LACTB2: variants seen among roughly 807,000 people sequenced by gnomAD.
LACTB2 encodes lactamase beta 2, also known as endoribonuclease LACTB2.
A neutral mutation model predicts 34.8 loss-of-function variants in LACTB2; 32 were observed. That is an observed-to-expected ratio of 0.92 (90% CI 0.69 to 1.24). The LOEUF (loss-of-function observed/expected upper bound fraction) is 1.24. Ranked by LOEUF, LACTB2 falls within the 50% of genes most tolerant of loss-of-function variation. The pLI is 0.00. For synonymous variants in LACTB2, 120 were observed against 117.5 expected (o/e 1.02, Z -0.14); for missense variants, 320 against 345.0 (o/e 0.93, Z 0.57).
At chr8:70,644,506 C>T (rs1818238013) in intron 3 of LACTB2, among the ~76,000 whole-genome samples, 2 of 152,194 alleles carry the variant, frequency 1.3e-5, no homozygotes, top group African/African-American at 4.8e-5. Flanking sequence ...GGGTCTCACT[C>T]TGTTGCCCAG....
chr8:70,654,628 C>G (rs1563406191), intron 3 of LACTB2: 2 of 151,708 alleles, frequency 1.3e-5, no homozygotes, highest in Non-Finnish European at 2.9e-5. Flanking sequence ...TGGCTATTTA[C>G]AGGCTCCATC....
At chr8:70,638,661 T>C in intron 5 of LACTB2, 32 bp from the exon 6 acceptor site, 1 of 1,200,158 alleles carries the variant, frequency 8.3e-7, no homozygotes, top group Non-Finnish European at 1.1e-6. Flanking sequence ...AAAAAATTCC[T>C]TTTTTTTTAA....
intron 3 of LACTB2, among the ~76,000 whole-genome samples, chr8:70,645,336 A>T (rs1446172175): frequency 6.6e-6 from 1 of 152,142 alleles, no homozygotes; most frequent in Non-Finnish European, 1.5e-5. Flanking sequence ...CTAGGCTGGC[A>T]TCAGTATATA....
chr8:70,661,635 T>G (rs959284601), intron 2 of LACTB2, 99 bp downstream of exon 2: 2 of 992,378 alleles, frequency 2.0e-6, no homozygotes, highest in Non-Finnish European at 2.9e-6. Context: ...ACTGAGGTAT[T>G]TAGTAAATGG....
chr8:70,637,990 A>G (rs1818145172), intron 6 of LACTB2, 87 bp from the exon 7 acceptor site: 2 of 697,386 alleles, frequency 2.9e-6, no homozygotes, highest in South Asian at 2.9e-5. Flanking sequence ...TAGAAAAAGC[A>G]TTCATTCTTA....
intron 1 of LACTB2, 59 bp downstream of exon 1, chr8:70,668,940 C>T: frequency 6.5e-7 from 1 of 1,547,258 alleles, no homozygotes; most frequent in Non-Finnish European, 8.7e-7. Flanking sequence ...CGCGATCAGT[C>T]AAAGCCCGGG....
intron 3 of LACTB2, among the ~76,000 whole-genome samples, chr8:70,644,536 A>T (rs1219414543): frequency 6.6e-6 from 1 of 152,184 alleles, no homozygotes; most frequent in Non-Finnish European, 1.5e-5. Flanking sequence ...CAGAGGCAGG[A>T]TCACAGGTCA....
At chr8:70,659,370 G>A (rs184823874) in intron 2 of LACTB2, among the ~76,000 whole-genome samples, 16 of 152,158 alleles carry the variant, frequency 1.1e-4, no homozygotes, top group Admixed American at 5.9e-4. Context: ...GGGTTAAGAC[G>A]GTAGCACTGG....
rs765120545 is a variant in LACTB2 at position 70,644,124 on chromosome 8, T to C, written c.533A>G (p.Tyr178Cys). Residue 178 changes from tyrosine to cysteine, a missense_variant, in exon 4 of 7, where the codon TAT (tyrosine) becomes TGT (cysteine). Transcript: ENST00000276590. The stretch of plus-strand genomic sequence containing the variant: ...CTCTTTTAAAGAGTTCATATAATCA[T>C]AGAGGTCTTCAAATACCGTTGTTCC... ...GEGTTVFEDLYDYMNSLKELL... is the reference protein window; with the variant it reads ...GEGTTVFEDLCDYMNSLKELL... 10 of 1,612,038 alleles carry C rather than the reference T, an allele frequency of 6.2e-6. No homozygotes were observed. Among genetic ancestry groups the C allele is most frequent in the South Asian group, 4.4e-5 (4 of 90,656 alleles).
At chr8:70,645,279 CTAAT>C (rs1818249139) in intron 3 of LACTB2, among the ~76,000 whole-genome samples, 1 of 152,032 alleles carries the variant, frequency 6.6e-6, no homozygotes, top group Non-Finnish European at 1.5e-5. Context: ...CCACGCTTGG[CTAAT>C]TTATTTTTAT....
chr8:70,645,893 A>G lies in LACTB2; in HGVS notation c.414-1650T>C, dbSNP rs577744877. On this transcript the variant is annotated intron_variant, in intron 3 of 6. Coordinates refer to ENST00000276590, the MANE Select transcript of LACTB2 (RefSeq NM_016027.3). ...CCACATTTTCTTAATCCAGTCTATCATTGTTGGACGTTTGGGTTGGTTCCA... is the reference window on the plus strand; with the variant it reads ...CCACATTTTCTTAATCCAGTCTATCGTTGTTGGACGTTTGGGTTGGTTCCA... 3.9e-5 allele frequency among the ~76,000 whole-genome samples: 6 copies of G among 152,146 alleles called. No homozygotes were observed. The South Asian group carries it at 1.2e-3, about 32-fold the overall frequency.
Position 70,669,112 on chromosome 8 carries a change from A to C in LACTB2, c.9T>G (p.Ala3=). The C allele has an allele frequency of 6.2e-7, 1 of 1,603,350 alleles. No individual in the cohort carries two copies. The highest frequency in any genetic ancestry group is 8.5e-7 in the Non-Finnish European group (1 of 1,175,176). Residue 3 remains alanine, a synonymous_variant, in exon 1 of 7, where the codon GCT becomes GCG. Coordinates refer to ENST00000276590, the MANE Select transcript of LACTB2 (RefSeq NM_016027.3). Reference sequence around the variant, plus strand: ...ACAGCCGCTCGACGCGCTGCAGTACAGCAGCCATTCCCGCCTCAGCCGCCC... The same window carrying C: ...ACAGCCGCTCGACGCGCTGCAGTACCGCAGCCATTCCCGCCTCAGCCGCCC... MA[A]VLQRVERLSN...
chr8:70,657,765 G>A lies in LACTB2; in HGVS notation c.404C>T (p.Ala135Val). The change falls in exon 3 of 7, where the codon GCC becomes GTC. Residue 135 changes from alanine (A) to valine (V), a missense_variant. Physicochemically the swap from Ala to Val is moderately conservative, Grantham distance 64. Transcript: ENST00000276590. ...KDGDVIKTEG[A>V]TLRVLYTPGH... The stretch of plus-strand genomic sequence containing the variant: ...AGGGACATTTACTTACCTTAGAGTG[G>A]CTCCCTCAGTCTTAATCACATCTCC... The A allele has an allele frequency of 6.2e-7, 1 of 1,611,042 alleles. No individual in the cohort carries two copies. The highest frequency in any genetic ancestry group is 1.1e-5 in the South Asian group (1 of 90,754).
At chr8:70,643,208 C>CATTTTTTTTTTT (rs1818221357) in intron 4 of LACTB2, among the ~76,000 whole-genome samples, 1 of 76,194 alleles carries the variant, frequency 1.3e-5, no homozygotes, top group African/African-American at 4.5e-5. Context: ...GTGTATTTTC[C>CATTTTTTTTTTT]TTTTTTTTTT....
intron 3 of LACTB2, chr8:70,653,722 G>A (rs964179065): frequency 6.6e-6 from 1 of 152,118 alleles, no homozygotes; most frequent in South Asian, 2.1e-4. Context: ...CTACAGTGAG[G>A]GGTGACTTAT....
At chr8:70,660,304 G>GT (rs1818465688) in intron 2 of LACTB2, 1 of 292,420 alleles carries the variant, frequency 3.4e-6, no homozygotes, top group Non-Finnish European at 6.6e-6. Context: ...AAAAGAAGAG[G>GT]TAAGACAAAA....
chr8:70,647,540 G>A (rs571442883), intron 3 of LACTB2, among the ~76,000 whole-genome samples: 4 of 152,130 alleles, frequency 2.6e-5, no homozygotes, highest in Admixed American at 6.5e-5. Flanking sequence ...GGCAGGAGCC[G>A]CTGTACCCAG....
At chr8:70,659,923 A>G (rs1010379876) in intron 2 of LACTB2, among the ~76,000 whole-genome samples, 1 of 152,136 alleles carries the variant, frequency 6.6e-6, no homozygotes, top group South Asian at 2.1e-4. Flanking sequence ...TCACATAGGT[A>G]TTGATGTTTG....
intron 4 of LACTB2, among the ~76,000 whole-genome samples, chr8:70,642,050 T>C (rs894587012): frequency 6.6e-6 from 1 of 152,154 alleles, no homozygotes; most frequent in Admixed American, 6.5e-5. Context: ...GACTTTAATA[T>C]ATGGTAGCTA....
Sources: gnomAD v4.1 joint callset for allele counts (sites outside exome capture counted in the v4.1 genomes callset) on GRCh38, gnomAD v4.1.1 for gene constraint, MANE v1.5 for transcripts, NCBI Gene and HGNC (gene_info 2026-07-23, HGNC 2026-07-21) for gene names.